TMEM232: variants seen among roughly 807,000 people sequenced by gnomAD.
TMEM232 encodes transmembrane protein 232.
TMEM232 carries 80 observed loss-of-function variants against 78.8 expected under a neutral mutation model. The observed-to-expected ratio is 1.01, with a 90% CI of 0.85 to 1.22. TMEM232 has a LOEUF of 1.22. Among genes scored for constraint, TMEM232 ranks in the 50% most tolerant of loss-of-function variants. TMEM232 has a pLI of 0.00. For missense variants in TMEM232, 881 were observed against 742.2 expected (o/e 1.19, Z -2.17); for synonymous variants, 297 against 254.3 (o/e 1.17, Z -1.60).
intron 11 of TMEM232, among the ~76,000 whole-genome samples, chr5:110,565,990 T>G (rs1486834926): frequency 6.6e-6 from 1 of 151,904 alleles, no homozygotes; most frequent in Non-Finnish European, 1.5e-5. Flanking sequence ...AATTGATCCT[T>G]TTATAATCAT....
intron 12 of TMEM232, among the ~76,000 whole-genome samples, chr5:110,438,490 T>C (rs557672401): frequency 1.3e-5 from 2 of 152,098 alleles, no homozygotes; most frequent in South Asian, 4.1e-4. Context: ...AGATTTGCCC[T>C]CCACTTAACA....
chr5:110,630,322 C>T (rs1784952582), intron 5 of TMEM232, among the ~76,000 whole-genome samples: 1 of 152,156 alleles, frequency 6.6e-6, no homozygotes, highest in African/African-American at 2.4e-5. Flanking sequence ...ATAATCATGC[C>T]TCAGATGGAA....
At chr5:110,485,862 T>C (rs1252122823) in intron 12 of TMEM232, among the ~76,000 whole-genome samples, 1 of 152,174 alleles carries the variant, frequency 6.6e-6, no homozygotes, top group Non-Finnish European at 1.5e-5. Flanking sequence ...CAAATGGTAG[T>C]TCTAATTTTA....
At chr5:110,621,363 T>A (rs1783725233) in intron 7 of TMEM232, among the ~76,000 whole-genome samples, 1 of 152,082 alleles carries the variant, frequency 6.6e-6, no homozygotes. Context: ...CTGCTCAAGG[T>A]GTGGTTGGCA....
At chr5:110,445,388 A>G (rs1274371006) in intron 12 of TMEM232, among the ~76,000 whole-genome samples, 2 of 152,148 alleles carry the variant, frequency 1.3e-5, no homozygotes, top group African/African-American at 4.8e-5. Flanking sequence ...AATGAACATA[A>G]CCATCACATT....
In TMEM232 at chr5:110,478,551, T is replaced by A. The variant is rs1203117889; in HGVS notation, c.1703+50037A>T. On this transcript the variant is annotated intron_variant, in intron 12 of 13. Coordinates refer to ENST00000455884, the MANE Select transcript of TMEM232 (RefSeq NM_001039763.4). ...CTTCAGTTTTCCAACATATTTTGCA[T>A]GAGTATATATAAAAACAGATACAGG... 2.0e-5 allele frequency among the ~76,000 whole-genome samples: 3 copies of A among 151,880 alleles called. No homozygotes were observed. In the East Asian group the frequency reaches 5.8e-4, roughly 29 times the overall value.
chr5:110,556,376 CCTTTCTTTCTTTCCTT>C (rs1242651999), intron 11 of TMEM232, among the ~76,000 whole-genome samples: 4 of 146,500 alleles, frequency 2.7e-5, no homozygotes, highest in Non-Finnish European at 4.5e-5. Flanking sequence ...TTCCTTCCTT[CCTTTCTTTCTTTCCTT>C]CTTTCTTTCT....
intron 12 of TMEM232, among the ~76,000 whole-genome samples, chr5:110,427,275 C>A (rs1409840641): frequency 3.3e-5 from 5 of 151,872 alleles, no homozygotes; most frequent in Non-Finnish European, 1.5e-5. Context: ...AATAATAGCA[C>A]CTGCCTTATT....
chr5:110,510,578 A>G (rs1376585548), intron 12 of TMEM232, among the ~76,000 whole-genome samples: 2 of 152,118 alleles, frequency 1.3e-5, no homozygotes, highest in East Asian at 1.9e-4. Flanking sequence ...AACAATGGCA[A>G]TAACAAAACA....
intron 12 of TMEM232, among the ~76,000 whole-genome samples, chr5:110,456,644 CAG>C (rs1268763773): frequency 2.0e-5 from 3 of 152,014 alleles, no homozygotes; most frequent in Non-Finnish European, 2.9e-5. Context: ...TACAAAAAGT[CAG>C]AGAGTGTGGT....
At chr5:110,464,331 C>T (rs1291980320) in intron 12 of TMEM232, among the ~76,000 whole-genome samples, 1 of 152,070 alleles carries the variant, frequency 6.6e-6, no homozygotes, top group Non-Finnish European at 1.5e-5. Context: ...TAGACAATAG[C>T]ATCTTACTAT....
rs990661958 is a variant in TMEM232 at position 110,528,582 on chromosome 5, C to T, written c.1703+6G>A. On this transcript the variant is annotated splice_donor_region_variant and intron_variant, in intron 12 of 13. Coordinates refer to ENST00000455884, the MANE Select transcript of TMEM232 (RefSeq NM_001039763.4). The stretch of plus-strand genomic sequence containing the variant: ...GAACAATAAAACCGATAGTACTTCT[C>T]TTTACCTTACAGTGAAATGTAGAAC... 2 of 1,526,276 alleles carry T rather than the reference C, an allele frequency of 1.3e-6. No homozygotes were observed. The highest frequency in any genetic ancestry group is 2.8e-5 in the African/African-American group (2 of 72,390). 94.5% of individuals were successfully genotyped at this position (1,526,276 alleles called of 1,614,324 possible). A position where few individuals can be genotyped will look rare whatever the true frequency, so the allele number is the denominator to read the frequency against.
At chr5:110,444,255 G>A (rs1396063579) in intron 12 of TMEM232, among the ~76,000 whole-genome samples, 1 of 152,084 alleles carries the variant, frequency 6.6e-6, no homozygotes, top group African/African-American at 2.4e-5. Flanking sequence ...TCTTACCTCT[G>A]AGATGAGTGA....
chr5:110,468,953 C>T (rs1236164754), intron 12 of TMEM232, among the ~76,000 whole-genome samples: 1 of 152,048 alleles, frequency 6.6e-6, no homozygotes, highest in Admixed American at 6.6e-5. Context: ...AAATACCTGG[C>T]CTTCACTAAT....
chr5:110,403,072 C>T (rs577536729), intron 2 of TMEM232, among the ~76,000 whole-genome samples: 2 of 152,174 alleles, frequency 1.3e-5, no homozygotes, highest in South Asian at 4.1e-4. Context: ...ACCTTTGACA[C>T]ATTCTCTACA....
At chr5:110,537,828 G>A (rs896066358) in intron 11 of TMEM232, among the ~76,000 whole-genome samples, 2 of 152,224 alleles carry the variant, frequency 1.3e-5, no homozygotes, top group East Asian at 1.9e-4. Flanking sequence ...GGAAATTTGC[G>A]GAAGCTTTCC....
intron 8 of TMEM232, among the ~76,000 whole-genome samples, chr5:110,610,261 A>AGGGAGGAAGGGAGGAAGGGAGGAT (rs1404111311): frequency 2.1e-5 from 3 of 143,468 alleles, no homozygotes; most frequent in Non-Finnish European, 4.5e-5. Flanking sequence ...GAAGGGAGGA[A>AGGGAGGAAGGGAGGAAGGGAGGAT]GGGAGGAAGG....
chr5:110,566,028 T>C (rs559527218), intron 11 of TMEM232, among the ~76,000 whole-genome samples: 1 of 152,016 alleles, frequency 6.6e-6, no homozygotes, highest in South Asian at 2.1e-4. Context: ...ATAATCACAT[T>C]CCCTTTACCC....
intron 1 of TMEM232, among the ~76,000 whole-genome samples, chr5:110,700,871 C>A (rs1291990090): frequency 1.3e-5 from 2 of 151,752 alleles, no homozygotes; most frequent in Non-Finnish European, 2.9e-5. Context: ...CAAGAGCTAC[C>A]TTTTCTATCC....
Sources: gnomAD v4.1 joint callset for allele counts (sites outside exome capture counted in the v4.1 genomes callset) on GRCh38, gnomAD v4.1.1 for gene constraint, MANE v1.5 for transcripts, NCBI Gene and HGNC (gene_info 2026-07-23, HGNC 2026-07-21) for gene names.